The following LDLRAD3 variants were observed in gnomAD, a reference collection of about 807,000 sequenced individuals.
LDLRAD3 encodes the protein low density lipoprotein receptor class A domain containing 3, also known as low-density lipoprotein receptor class A domain-containing protein 3.
LDLRAD3 carries 20 observed loss-of-function variants against 29.4 expected under a neutral mutation model. The ratio of observed to expected loss-of-function variants is 0.68; its 90% CI spans 0.48 to 0.99. LDLRAD3 has a LOEUF of 0.99. Ranked by LOEUF, LDLRAD3 falls within the 50% of genes least tolerant of loss-of-function variation. LDLRAD3 has a pLI of 0.00. For synonymous variants in LDLRAD3, 157 were observed against 192.7 expected (o/e 0.81, Z 1.53); for missense variants, 420 against 454.3 (o/e 0.92, Z 0.69).
chr11:36,044,455 T>G (rs905632334), intron 2 of LDLRAD3, among the ~76,000 whole-genome samples: 6 of 152,190 alleles, frequency 3.9e-5, no homozygotes, highest in African/African-American at 1.4e-4. Context: ...ACATGTATAC[T>G]GGTGACATTT....
intron 4 of LDLRAD3, among the ~76,000 whole-genome samples, chr11:36,208,772 GA>G (rs57418529): frequency 0.58 from 87,418 of 152,024 alleles, 26,376 homozygotes; most frequent in African/African-American, 0.76. Flanking sequence ...AAATAGGGGG[GA>G]AAAAACACCA....
At chr11:36,161,404 T>A (rs941999969) in intron 4 of LDLRAD3, among the ~76,000 whole-genome samples, 1 of 152,164 alleles carries the variant, frequency 6.6e-6, no homozygotes, top group Non-Finnish European at 1.5e-5. Context: ...CAGGGTGAGA[T>A]ACAAACTTTT....
At chr11:36,126,899 C>CG (rs1853846282) in intron 4 of LDLRAD3, among the ~76,000 whole-genome samples, 2 of 152,146 alleles carry the variant, frequency 1.3e-5, no homozygotes, top group Non-Finnish European at 2.9e-5. Context: ...AACCCACTGC[C>CG]GAGCAAGTGC....
At chr11:36,045,453 C>T (rs61879156) in intron 2 of LDLRAD3, among the ~76,000 whole-genome samples, 3,518 of 152,282 alleles carry the variant, frequency 0.023, 52 homozygotes, top group Non-Finnish European at 0.034. Context: ...GGCAAGGTGT[C>T]GGCCCGGCCG....
intron 5 of LDLRAD3, among the ~76,000 whole-genome samples, 156 bp downstream of exon 5, chr11:36,227,586 T>C (rs982329350): frequency 2.6e-5 from 4 of 152,212 alleles, no homozygotes; most frequent in East Asian, 3.8e-4. Flanking sequence ...CCTCGCAAAA[T>C]TCTCTACATG....
intron 1 of LDLRAD3, among the ~76,000 whole-genome samples, chr11:35,980,210 A>G (rs1260190394): frequency 1.6e-4 from 25 of 152,186 alleles, no homozygotes; most frequent in Non-Finnish European, 1.5e-5. Context: ...TCCCCATTTT[A>G]TTGCTGGGGA....
At chr11:36,117,016 A>C (rs772457628) in intron 4 of LDLRAD3, among the ~76,000 whole-genome samples, 1 of 151,736 alleles carries the variant, frequency 6.6e-6, no homozygotes, top group Admixed American at 6.6e-5. Context: ...TAATTTTTGT[A>C]TTTTTATAGA....
At chr11:36,214,265 G>A (rs1855323153) in intron 4 of LDLRAD3, among the ~76,000 whole-genome samples, 1 of 152,196 alleles carries the variant, frequency 6.6e-6, no homozygotes, top group African/African-American at 2.4e-5. Context: ...TGGCAAATAA[G>A]AAGTCCTGGA....
intron 1 of LDLRAD3, among the ~76,000 whole-genome samples, chr11:35,948,110 A>G (rs959247227): frequency 1.3e-5 from 2 of 152,180 alleles, no homozygotes; most frequent in African/African-American, 4.8e-5. Context: ...TCTTGACCCG[A>G]ATTGTAGTTA....
chr11:35,947,077 G>T (rs959055847), intron 1 of LDLRAD3, among the ~76,000 whole-genome samples: 1 of 152,166 alleles, frequency 6.6e-6, no homozygotes, highest in African/African-American at 2.4e-5. Flanking sequence ...GGTAAATTCT[G>T]GGCCTTGAAG....
intron 1 of LDLRAD3, among the ~76,000 whole-genome samples, chr11:36,011,997 C>G (rs1413905305): frequency 6.6e-6 from 1 of 152,126 alleles, no homozygotes; most frequent in Non-Finnish European, 1.5e-5. Context: ...TAGAAGTTTG[C>G]TATTTTCTTC....
rs1370284999 is a variant in LDLRAD3, at chr11:36,231,659, A to T, written c.*2262A>T. ...GCCTACTAATGCTTTTTTAAAACAA[A>T]CAGGGACATTTTTATTATAGATTTG... On this transcript the variant is annotated 3_prime_UTR_variant, in exon 6 of 6. Transcript: ENST00000315571. 5.9e-5 allele frequency: 9 copies of T among 152,328 alleles called. No individual in the cohort carries two copies. The East Asian group carries it at 1.5e-3, about 26-fold the overall frequency. The allele number at this position is 152,328 out of a possible 1,614,324, so 9.4% of individuals were successfully genotyped here.
chr11:35,991,228 TA>T (rs1565147176), intron 1 of LDLRAD3, among the ~76,000 whole-genome samples: 1 of 152,220 alleles, frequency 6.6e-6, no homozygotes, highest in Admixed American at 6.5e-5. Flanking sequence ...TTGTCTAACT[TA>T]GCCTAGTACT....
intron 2 of LDLRAD3, among the ~76,000 whole-genome samples, chr11:36,081,281 A>C (rs568095737): frequency 6.6e-6 from 1 of 152,194 alleles, no homozygotes; most frequent in Non-Finnish European, 1.5e-5. Context: ...CTGAATGTTG[A>C]TTACAGTTCC....
chr11:36,140,720 G>C (rs1196919837), intron 4 of LDLRAD3, among the ~76,000 whole-genome samples: 1 of 152,052 alleles, frequency 6.6e-6, no homozygotes, highest in African/African-American at 2.4e-5. Context: ...CGTGCCTGAC[G>C]TTGTGTACAC....
At chr11:35,970,588 A>G (rs529443842) in intron 1 of LDLRAD3, among the ~76,000 whole-genome samples, 1 of 152,340 alleles carries the variant, frequency 6.6e-6, no homozygotes, top group African/African-American at 2.4e-5. Context: ...CAGCCCTTGG[A>G]ATTAGTATAG....
chr11:35,953,235 T>A (rs923131166), intron 1 of LDLRAD3, among the ~76,000 whole-genome samples: 5 of 152,210 alleles, frequency 3.3e-5, no homozygotes, highest in Non-Finnish European at 7.3e-5. Flanking sequence ...GACGATGTTG[T>A]CTCTGTCCTG....
At chr11:36,005,772 CA>C (rs1851877626) in intron 1 of LDLRAD3, among the ~76,000 whole-genome samples, 1 of 152,124 alleles carries the variant, frequency 6.6e-6, no homozygotes, top group East Asian at 1.9e-4. Context: ...GCAAGCTTAA[CA>C]AGAAGCATGA....
At chr11:36,012,172 T>G (rs1314668454) in intron 1 of LDLRAD3, among the ~76,000 whole-genome samples, 1 of 152,154 alleles carries the variant, frequency 6.6e-6, no homozygotes, top group Non-Finnish European at 1.5e-5. Context: ...AAACCGAATA[T>G]AGTACCAAAT....
Sources: allele counts gnomAD v4.1 joint callset (sites outside exome capture counted in the v4.1 genomes callset), GRCh38; gene constraint gnomAD v4.1.1; transcripts MANE v1.5; gene names NCBI Gene and HGNC (gene_info 2026-07-23, HGNC 2026-07-21).